DUS1L: variants seen among roughly 807,000 people sequenced by gnomAD.
The protein encoded by DUS1L is dihydrouridine synthase 1 like, also known as tRNA-dihydrouridine(16/17) synthase [NAD(P)(+)]-like.
DUS1L carries 56 observed loss-of-function variants against 61.2 expected under a neutral mutation model. The observed-to-expected ratio is 0.92, with a 90% confidence interval of 0.74 to 1.14. The LOEUF (loss-of-function observed/expected upper bound fraction) is 1.14, where lower values mean the gene tolerates loss of function less well. DUS1L is among the 50% of genes most tolerant of loss of function. The probability of loss-of-function intolerance (pLI) is 0.00; values close to 1 mark genes in which losing one functional copy is unlikely to be tolerated. For missense variants in DUS1L, 630 were observed against 632.4 expected, an observed-to-expected ratio of 1.00 and a Z score of 0.04; for synonymous variants, 278 against 259.5, an observed-to-expected ratio of 1.07 and a Z score of -0.69.
At chr17:82,062,815 A>AAGGCCCAGCTG in intron 5 of DUS1L, 46 bp downstream of exon 5, 1 of 1,525,454 alleles carries the variant, frequency 6.6e-7, no homozygotes, top group Non-Finnish European at 9.0e-7. Context: ...CCTCTGCGCA[A>AAGGCCCAGCTG]AGGCCCAGCT....
chr17:82,058,201 C>T lies in DUS1L; in HGVS notation c.1336G>A (p.Ala446Thr). The T allele has an allele frequency of 1.2e-6, 2 of 1,600,858 alleles. No homozygotes were observed. The highest frequency in any genetic ancestry group is 1.3e-5 in the African/African-American group (1 of 74,746). Residue 446 changes from alanine (A) to threonine (T), a missense_variant, in exon 14 of 14, where the codon GCC becomes ACC. Ala to Thr is a moderately conservative substitution (Grantham distance 58, BLOSUM62 0). Transcript: ENST00000306796. ...TGAGGCTCCTGCAGCTCAGGCTGGG[C>T]CTCTTTCCAGGCCAGAGACTTCTCC... ...KLEKSLAWKEAQPELQEPQPA... is the reference protein window; with the variant it reads ...KLEKSLAWKETQPELQEPQPA...
At chr17:82,063,587 C>T (rs2033617263) in intron 3 of DUS1L, 69 bp from the exon 4 acceptor site, 12 of 1,597,862 alleles carry the variant, frequency 7.5e-6, no homozygotes, top group South Asian at 5.5e-5. Flanking sequence ...CTTGCACCCC[C>T]TCTGCACCCT....
chr17:82,058,520 C>T (rs552765571), intron 12 of DUS1L, 104 bp from the exon 13 acceptor site: 178 of 1,466,672 alleles, frequency 1.2e-4, no homozygotes, highest in Admixed American at 5.8e-4. Context: ...CAGATGCCCA[C>T]GGCCTGGATG....
In DUS1L at chr17:82,061,194, T is replaced by C; in HGVS notation, c.842+15A>G. The C allele has an allele frequency of 6.3e-7, 1 of 1,575,506 alleles. No homozygotes were observed. The highest frequency in any genetic ancestry group is 8.6e-7 in the Non-Finnish European group (1 of 1,157,384). On this transcript the variant is annotated intron_variant, in intron 8 of 13. Transcript: ENST00000306796. ...CGGCCCTCCAACGTGGCTTCTGCCT[T>C]AGGGGGCAACTCACGTGTGGTGCCA... is the stretch of plus-strand genomic sequence containing the variant.
In DUS1L at chr17:82,057,995, G is replaced by T. The variant is rs1477993744; in HGVS notation, c.*120C>A. 7.6e-7 allele frequency: 1 copy of T among 1,318,618 alleles called. No individual in the cohort carries two copies. Among genetic ancestry groups the T allele is most frequent in the African/African-American group, 1.5e-5 (1 of 66,820 alleles). 81.7% of individuals were successfully genotyped at this position (1,318,618 alleles called of 1,614,324 possible). A position where few individuals can be genotyped will look rare whatever the true frequency, so the allele number is the denominator to read the frequency against. On this transcript the variant is annotated 3_prime_UTR_variant, in exon 14 of 14. Coordinates refer to ENST00000306796, the MANE Select transcript of DUS1L (RefSeq NM_022156.5). ...TCCAGGCCCCCAGAGTGGGCCGAAGGGGGACATGGGCGTGTCTTTCCACAT... is the reference window on the plus strand; with the variant it reads ...TCCAGGCCCCCAGAGTGGGCCGAAGTGGGACATGGGCGTGTCTTTCCACAT...
chr17:82,057,524 T>C lies in DUS1L; in HGVS notation c.*591A>G. ...GGCTCTGGTCACCCCTGGGTGGCCT[T>C]GGGTTCCTGAGGGCTGTCTCCCTGG... On this transcript the variant is annotated 3_prime_UTR_variant, in exon 14 of 14. Coordinates refer to ENST00000306796, the MANE Select transcript of DUS1L (RefSeq NM_022156.5). 1 of 348,384 alleles carries C rather than the reference T, an allele frequency of 2.9e-6. No individual in the cohort carries two copies. The highest frequency in any genetic ancestry group is 5.6e-6 in the Non-Finnish European group (1 of 178,172). The allele number at this position is 348,384 out of a possible 1,614,324, so 21.6% of individuals were successfully genotyped here.
At chr17:82,065,131 CAG>C in intron 1 of DUS1L, 62 bp from the exon 2 acceptor site, 1 of 1,440,956 alleles carries the variant, frequency 6.9e-7, no homozygotes, top group South Asian at 1.4e-5. Context: ...AGACTCAACT[CAG>C]AGGCAGCGGT....
At chr17:82,058,893 G>A (rs1242839643) in intron 11 of DUS1L, 75 bp from the exon 12 acceptor site, 31 of 1,359,962 alleles carry the variant, frequency 2.3e-5, no homozygotes, top group Non-Finnish European at 3.3e-5. Flanking sequence ...CCGTCCGCCT[G>A]CACGGAGCCT....
At position 82,065,596 on chromosome 17, in the gene DUS1L, C is replaced by A. The variant is rs938242080; in HGVS notation, c.-11+17G>T. On this transcript the variant is annotated intron_variant, in intron 1 of 13. Transcript: ENST00000306796. The stretch of plus-strand genomic sequence containing the variant: ...CTGTGTGAAGTGACAGGAGCCCACA[C>A]GCCTCCGCGTCCTCACCGCGCGAGG... 2.6e-5 allele frequency: 4 copies of A among 151,690 alleles called. No individual in the cohort carries two copies. The highest frequency in any genetic ancestry group is 9.7e-5 in the African/African-American group (4 of 41,412). The allele number at this position is 151,690 out of a possible 1,614,324, so 9.4% of individuals were successfully genotyped here.
Position 82,064,981 on chromosome 17 carries a change from G to A in DUS1L, c.79C>T (p.Gln27Ter). The A allele has an allele frequency of 1.2e-6, 2 of 1,612,206 alleles. No individual in the cohort carries two copies. Among genetic ancestry groups the A allele is most frequent in the Non-Finnish European group, 1.7e-6 (2 of 1,179,618 alleles). Residue 27 changes from glutamine (Q) to a stop codon, truncating the protein, a stop_gained, in exon 2 of 14, where the codon CAG becomes TAG. Transcript: ENST00000306796. LOFTEE classifies it high-confidence loss of function. Reference sequence around the variant, plus strand: ...AGCAGCCTCCAGGCCAGCTCGCTCTGGTCCACCATGGGGGCCACGACGTGG... The same window carrying A: ...AGCAGCCTCCAGGCCAGCTCGCTCTAGTCCACCATGGGGGCCACGACGTGG... Reference protein sequence around the residue: ...ARHVVAPMVDQSELAWRLLSR... With the variant: ...ARHVVAPMVD
intron 11 of DUS1L, 140 bp downstream of exon 11, chr17:82,059,808 G>T: frequency 7.8e-7 from 1 of 1,282,408 alleles, no homozygotes; most frequent in Non-Finnish European, 1.1e-6. Flanking sequence ...TGACTACTCC[G>T]CCAAGCCCTC....
At chr17:82,058,940 C>T (rs1179599619) in intron 11 of DUS1L, 122 bp from the exon 12 acceptor site, 4 of 911,868 alleles carry the variant, frequency 4.4e-6, no homozygotes, top group South Asian at 4.1e-5. Flanking sequence ...CCAGCCAGGC[C>T]AGGAGGCTCA....
At chr17:82,058,588 C>G (rs750316624) in intron 12 of DUS1L, 172 bp from the exon 13 acceptor site, 1 of 1,457,770 alleles carries the variant, frequency 6.9e-7, no homozygotes, top group East Asian at 2.4e-5. Context: ...CCCACCCAGA[C>G]TCTCTTCCCC....
intron 5 of DUS1L, 63 bp downstream of exon 5, chr17:82,062,798 G>T: frequency 7.1e-7 from 1 of 1,412,566 alleles, no homozygotes; most frequent in Non-Finnish European, 9.9e-7. Context: ...AAGAGCCTCA[G>T]CTATGTCCTC....
rs553998898 is a variant in DUS1L at position 82,061,838 on chromosome 17, G to T, written c.593+63C>A. The T allele has an allele frequency of 2.5e-6, 4 of 1,587,970 alleles. No individual in the cohort carries two copies. In the South Asian group the frequency reaches 4.5e-5, roughly 18 times the overall value. Reference sequence around the variant, plus strand: ...TCAGGCGTGCCGAGCACCCTGAGGTGTGGAGCTGGGACCCCCAGCAAAGCC... The same window carrying T: ...TCAGGCGTGCCGAGCACCCTGAGGTTTGGAGCTGGGACCCCCAGCAAAGCC... On this transcript the variant is annotated intron_variant, in intron 6 of 13. Coordinates refer to ENST00000306796, the MANE Select transcript of DUS1L (RefSeq NM_022156.5).
In DUS1L at chr17:82,064,138, T is replaced by C; in HGVS notation, c.334A>G (p.Ile112Val). Reference protein sequence around the residue: ...IDLNLGCPQMIAKRGHYGAFL... With the variant: ...IDLNLGCPQMVAKRGHYGAFL... ...ACATGGAGCTCACCTCTCTTGGCTA[T>C]CATCTGTGGGCAGCCCAAGTTCAGG... is the stretch of plus-strand genomic sequence containing the variant. Residue 112 changes from isoleucine to valine, a missense_variant, in exon 3 of 14, where the codon ATA becomes GTA. Transcript: ENST00000306796. 6.2e-7 allele frequency: 1 copy of C among 1,612,346 alleles called. No homozygotes were observed. Among genetic ancestry groups the C allele is most frequent in the South Asian group, 1.1e-5 (1 of 90,978 alleles).
At position 82,057,608 on chromosome 17, in the gene DUS1L, A is replaced by T. The variant is rs557843854; in HGVS notation, c.*507T>A. The stretch of plus-strand genomic sequence containing the variant: ...ATGAGAAGCCTGGCCCTCAGATTCA[A>T]CAGCCCCCAGCAGCAGCCACTGTGG... On this transcript the variant is annotated 3_prime_UTR_variant, in exon 14 of 14. Coordinates refer to ENST00000306796, the MANE Select transcript of DUS1L (RefSeq NM_022156.5). 4 of 264,370 alleles carry T rather than the reference A, an allele frequency of 1.5e-5. No homozygotes were observed. The highest frequency in any genetic ancestry group is 2.3e-5 in the Non-Finnish European group (3 of 132,122). The allele number at this position is 264,370 out of a possible 1,614,324, so 16.4% of individuals were successfully genotyped here.
intron 3 of DUS1L, 106 bp downstream of exon 3, chr17:82,064,020 C>G (rs932433995): frequency 3.1e-6 from 3 of 970,718 alleles, no homozygotes; most frequent in South Asian, 3.0e-5. Flanking sequence ...GCCACTGTCA[C>G]GACAGAGGCA....
At chr17:82,058,495 T>C in intron 12 of DUS1L, 79 bp from the exon 13 acceptor site, 1 of 1,470,042 alleles carries the variant, frequency 6.8e-7, no homozygotes, top group African/African-American at 1.4e-5. Context: ...GCAGCCCCAC[T>C]GGGGAAGCCT....
Sources: gnomAD v4.1 joint callset for allele counts on GRCh38, gnomAD v4.1.1 for gene constraint, MANE v1.5 for transcripts, NCBI Gene and HGNC (gene_info 2026-07-23, HGNC 2026-07-21) for gene names.